Variants in SLC24A2 observed in about 807,000 individuals in gnomAD.
SLC24A2 encodes the protein solute carrier family 24 member 2.
A neutral mutation model predicts 62.0 loss-of-function variants in SLC24A2; 36 were observed. The ratio of observed to expected loss-of-function variants is 0.58; its 90% CI spans 0.44 to 0.77. The LOEUF (loss-of-function observed/expected upper bound fraction) is 0.77. Ranked by LOEUF, SLC24A2 falls within the 30% of genes least tolerant of loss-of-function variation. The probability of loss-of-function intolerance (pLI) is 0.00; values close to 1 mark genes in which losing one functional copy is unlikely to be tolerated. For missense variants in SLC24A2, 846 were observed against 817.9 expected (o/e 1.03, Z -0.42); for synonymous variants, 358 against 294.0 (o/e 1.22, Z -2.23).
chr9:20,034,625 C>T, the SLC24A2 span, among the ~76,000 whole-genome samples: 1 of 152,012 alleles, frequency 6.6e-6, no homozygotes, highest in East Asian at 1.9e-4. Flanking sequence ...CGCCACTATG[C>T]CCGGCTAATT....
chr9:20,014,049 A>C, the SLC24A2 span, among the ~76,000 whole-genome samples: 61,644 of 151,974 alleles, frequency 0.41, 13,830 homozygotes, highest in Non-Finnish European at 0.52. Context: ...CTCTATAAAA[A>C]ATTTAAAAAT....
the SLC24A2 span, among the ~76,000 whole-genome samples, chr9:19,866,116 C>G: frequency 6.6e-6 from 1 of 152,150 alleles, no homozygotes; most frequent in Admixed American, 6.5e-5. Flanking sequence ...CATCATTAAA[C>G]ATCAGAGAAA....
the SLC24A2 span, among the ~76,000 whole-genome samples, chr9:20,094,871 GA>G: frequency 6.6e-6 from 1 of 152,068 alleles, no homozygotes; most frequent in Admixed American, 6.5e-5. Context: ...AACTAAGTAT[GA>G]AAAGTTATTT....
chr9:19,749,507 T>G (rs1821924063), intron 2 of SLC24A2, among the ~76,000 whole-genome samples: 1 of 152,154 alleles, frequency 6.6e-6, no homozygotes, highest in African/African-American at 2.4e-5. Flanking sequence ...GCTGGTCTCT[T>G]CCTGTGCTAA....
At chr9:20,055,429 G>C in the SLC24A2 span, among the ~76,000 whole-genome samples, 1 of 152,094 alleles carries the variant, frequency 6.6e-6, no homozygotes, top group African/African-American at 2.4e-5. Flanking sequence ...TAAATATTAA[G>C]TAAGTATAAT....
chr9:20,228,140 C>A, the SLC24A2 span, among the ~76,000 whole-genome samples: 8 of 152,080 alleles, frequency 5.3e-5, no homozygotes, highest in Non-Finnish European at 1.2e-4. Flanking sequence ...TCCCAGTTTA[C>A]TAAATTTCAA....
the SLC24A2 span, among the ~76,000 whole-genome samples, chr9:20,169,829 A>T: frequency 3.9e-3 from 586 of 152,146 alleles, 1 homozygote; most frequent in Middle Eastern, 0.02. Flanking sequence ...CAAACCAAGA[A>T]GAAATCCCTG....
intron 8 of SLC24A2, among the ~76,000 whole-genome samples, chr9:19,534,670 C>T (rs530061653): frequency 6.6e-6 from 1 of 152,114 alleles, no homozygotes; most frequent in Non-Finnish European, 1.5e-5. Context: ...CATCCATGTC[C>T]CTGCAAAGGA....
the SLC24A2 span, among the ~76,000 whole-genome samples, chr9:19,865,089 G>A: frequency 3.8e-3 from 570 of 151,912 alleles, 5 homozygotes; most frequent in African/African-American, 0.013. Context: ...TTACAGTAGC[G>A]ACAAATGAAT....
At chr9:20,170,558 G>A in the SLC24A2 span, among the ~76,000 whole-genome samples, 5 of 151,986 alleles carry the variant, frequency 3.3e-5, no homozygotes, top group African/African-American at 4.8e-5. Context: ...AAAAATGGGT[G>A]CAGGTAACCA....
intron 2 of SLC24A2, among the ~76,000 whole-genome samples, chr9:19,695,160 A>G (rs1229287090): frequency 6.6e-6 from 1 of 152,114 alleles, no homozygotes; most frequent in Non-Finnish European, 1.5e-5. Flanking sequence ...TCTAGTGGGT[A>G]GAGGCTAGGG....
At chr9:20,170,995 A>C in the SLC24A2 span, among the ~76,000 whole-genome samples, 1 of 152,174 alleles carries the variant, frequency 6.6e-6, no homozygotes, top group Middle Eastern at 3.4e-3. Flanking sequence ...ATAAAGGAAA[A>C]CCTATCAGAT....
the SLC24A2 span, among the ~76,000 whole-genome samples, chr9:19,880,383 A>T: frequency 1.3e-5 from 2 of 152,334 alleles, no homozygotes; most frequent in South Asian, 2.1e-4. Flanking sequence ...TCCTTAGTGG[A>T]TGAAGGGATT....
the SLC24A2 span, among the ~76,000 whole-genome samples, chr9:20,289,530 G>C: frequency 6.6e-6 from 1 of 152,112 alleles, no homozygotes; most frequent in Non-Finnish European, 1.5e-5. Context: ...TCTGAGTCTC[G>C]GTTCTCTCAT....
chr9:19,562,672 G>T (rs1459477265), intron 7 of SLC24A2, among the ~76,000 whole-genome samples: 3 of 152,134 alleles, frequency 2.0e-5, no homozygotes, highest in African/African-American at 7.2e-5. Context: ...TTCAGAAAAT[G>T]GAACCCATGT....
the SLC24A2 span, among the ~76,000 whole-genome samples, chr9:19,898,960 T>A: frequency 6.6e-6 from 1 of 152,064 alleles, no homozygotes. Context: ...CAAACTATAC[T>A]ATGGGTCTGT....
chr9:19,698,370 A>G (rs769909708), intron 2 of SLC24A2, among the ~76,000 whole-genome samples: 4 of 152,214 alleles, frequency 2.6e-5, no homozygotes, highest in Non-Finnish European at 4.4e-5. Context: ...AATCCCCAAG[A>G]CCTATCATTA....
At chr9:19,842,138 A>G in the SLC24A2 span, among the ~76,000 whole-genome samples, 5 of 152,306 alleles carry the variant, frequency 3.3e-5, no homozygotes, top group African/African-American at 1.2e-4. Flanking sequence ...AAGCATACAT[A>G]TTCTAAATAA....
At chr9:20,002,301 G>T in the SLC24A2 span, among the ~76,000 whole-genome samples, 1 of 151,982 alleles carries the variant, frequency 6.6e-6, no homozygotes, top group Admixed American at 6.6e-5. Flanking sequence ...TGCACAAAAG[G>T]CTGCCATGTT....
Sources: gnomAD v4.1 joint callset for allele counts (sites outside exome capture counted in the v4.1 genomes callset) on GRCh38, gnomAD v4.1.1 for gene constraint, MANE v1.5 for transcripts, NCBI Gene and HGNC (gene_info 2026-07-23, HGNC 2026-07-21) for gene names.